CPA6: variants seen among roughly 807,000 people sequenced by gnomAD.
CPA6 encodes the protein carboxypeptidase B.
Under a neutral mutation model 63.3 loss-of-function variants are expected in CPA6, and 58 were observed. That is an observed-to-expected ratio of 0.92 (90% confidence interval 0.74 to 1.14). CPA6 has a LOEUF of 1.14. Ranked by LOEUF, CPA6 falls within the 50% of genes most tolerant of loss-of-function variation. The pLI is 0.00. For synonymous variants in CPA6, 185 were observed against 179.0 expected, an observed-to-expected ratio of 1.03 and a Z score of -0.27; for missense variants, 565 against 526.6, an observed-to-expected ratio of 1.07 and a Z score of -0.71.
chr8:67,587,566 G>A (rs1322718773), intron 2 of CPA6, among the ~76,000 whole-genome samples: 4 of 152,098 alleles, frequency 2.6e-5, no homozygotes, highest in Admixed American at 6.5e-5. Flanking sequence ...GTAATGTCAC[G>A]TCATCATTGG....
intron 2 of CPA6, among the ~76,000 whole-genome samples, chr8:67,555,839 G>A (rs1813047811): frequency 6.6e-6 from 1 of 152,082 alleles, no homozygotes; most frequent in African/African-American, 2.4e-5. Context: ...ACACATATTT[G>A]GTGTCAGGAA....
intron 1 of CPA6, among the ~76,000 whole-genome samples, chr8:67,699,286 T>G (rs1407564051): frequency 6.6e-6 from 1 of 151,934 alleles, no homozygotes; most frequent in South Asian, 2.1e-4. Flanking sequence ...TGTGGTGGCA[T>G]GTACCTATAG....
intron 8 of CPA6, among the ~76,000 whole-genome samples, chr8:67,436,164 C>T (rs1810147705): frequency 6.6e-6 from 1 of 152,190 alleles, no homozygotes; most frequent in African/African-American, 2.4e-5. Context: ...GGGCAATTCT[C>T]ACCTTCAAAG....
intron 1 of CPA6, among the ~76,000 whole-genome samples, chr8:67,644,039 T>A (rs1815655370): frequency 6.6e-6 from 1 of 151,786 alleles, no homozygotes; most frequent in South Asian, 2.1e-4. Flanking sequence ...ACTCTTCATA[T>A]CACAATGCAG....
intron 1 of CPA6, among the ~76,000 whole-genome samples, chr8:67,701,002 C>T (rs1404356117): frequency 1.3e-5 from 2 of 152,002 alleles, no homozygotes; most frequent in Non-Finnish European, 2.9e-5. Flanking sequence ...TAGACATAAT[C>T]ATATACATAA....
At position 67,565,166 on chromosome 8, in the gene CPA6, CTTTCTTTT is replaced by C. The variant is rs1276300442; in HGVS notation, c.193-47127_193-47120del. ...ACTATGCCACAGCGTTTTTCTTTTT[CTTTCTTTT>C]TTTTTTTTGTTGTTGTTTTTTAGGA... On this transcript the variant is annotated intron_variant, in intron 2 of 10. Coordinates refer to ENST00000297770, the MANE Select transcript of CPA6 (RefSeq NM_020361.5). Among the ~76,000 whole-genome samples, 628 of 115,820 alleles carry C rather than the reference CTTTCTTTT, an allele frequency of 5.4e-3. 4 individuals are homozygous for C. Among genetic ancestry groups the C allele is most frequent in the African/African-American group, 0.015 (584 of 38,724 alleles). 76.0% of individuals were successfully genotyped at this position (115,820 alleles called of 152,430 possible). A position where few individuals can be genotyped will look rare whatever the true frequency, so the allele number is the denominator to read the frequency against.
intron 1 of CPA6, among the ~76,000 whole-genome samples, chr8:67,649,038 G>C (rs1015619081): frequency 1.3e-5 from 2 of 151,938 alleles, no homozygotes; most frequent in Non-Finnish European, 2.9e-5. Context: ...CTTTGGAGGT[G>C]ATTGTTTTTT....
intron 3 of CPA6, among the ~76,000 whole-genome samples, chr8:67,516,358 T>G (rs969001561): frequency 1.7e-4 from 26 of 152,242 alleles, no homozygotes; most frequent in African/African-American, 5.8e-4. Context: ...TCCTTCCTAC[T>G]GTTCAGACAC....
intron 2 of CPA6, among the ~76,000 whole-genome samples, chr8:67,604,106 C>A (rs1814565423): frequency 1.3e-5 from 2 of 152,178 alleles, no homozygotes; most frequent in South Asian, 4.1e-4. Flanking sequence ...AGAGCTACAA[C>A]TTATTAACCT....
At chr8:67,638,782 A>G (rs1337647563) in intron 1 of CPA6, among the ~76,000 whole-genome samples, 1 of 151,460 alleles carries the variant, frequency 6.6e-6, no homozygotes, top group Non-Finnish European at 1.5e-5. Flanking sequence ...TTTCAGTTCA[A>G]ATCTCCCTCT....
At chr8:67,516,605 T>C (rs1482402594) in intron 3 of CPA6, among the ~76,000 whole-genome samples, 1 of 152,238 alleles carries the variant, frequency 6.6e-6, no homozygotes, top group Admixed American at 6.5e-5. Context: ...TTCACATCTG[T>C]GTCTTCTAAT....
intron 1 of CPA6, among the ~76,000 whole-genome samples, chr8:67,669,074 C>T (rs1394953486): frequency 6.6e-6 from 1 of 152,198 alleles, no homozygotes; most frequent in East Asian, 1.9e-4. Context: ...AAAGGATGGA[C>T]TGGGACAGAT....
intron 8 of CPA6, among the ~76,000 whole-genome samples, chr8:67,474,731 T>G (rs1013475539): frequency 6.6e-6 from 1 of 152,108 alleles, no homozygotes; most frequent in African/African-American, 2.4e-5. Flanking sequence ...ATCCCAGCAC[T>G]TTGGGAGGCT....
chr8:67,713,452 T>C (rs959979935), intron 1 of CPA6, among the ~76,000 whole-genome samples: 3 of 152,088 alleles, frequency 2.0e-5, no homozygotes, highest in Non-Finnish European at 4.4e-5. Context: ...CATTTCTTTG[T>C]TTCGGGTTTT....
chr8:67,681,896 A>G (rs186186872), intron 1 of CPA6, among the ~76,000 whole-genome samples: 130 of 151,860 alleles, frequency 8.6e-4, no homozygotes, highest in South Asian at 2.3e-3. Flanking sequence ...TCATTTCCAT[A>G]TGAATTTTAA....
chr8:67,595,537 C>T (rs1814304052), intron 2 of CPA6, among the ~76,000 whole-genome samples: 1 of 152,204 alleles, frequency 6.6e-6, no homozygotes, highest in African/African-American at 2.4e-5. Flanking sequence ...GGGCTCCACC[C>T]AGTTCGAGCT....
At chr8:67,632,970 T>C (rs917801298) in intron 1 of CPA6, among the ~76,000 whole-genome samples, 3 of 152,250 alleles carry the variant, frequency 2.0e-5, no homozygotes, top group African/African-American at 7.2e-5. Context: ...TACTGTGTCC[T>C]TATTTTTCTG....
At chr8:67,464,327 A>C (rs1810879149) in intron 8 of CPA6, among the ~76,000 whole-genome samples, 1 of 152,188 alleles carries the variant, frequency 6.6e-6, no homozygotes, top group Admixed American at 6.5e-5. Flanking sequence ...TGAGAAATGT[A>C]GAAATGTCTG....
chr8:67,520,161 T>A (rs192195792), intron 2 of CPA6, among the ~76,000 whole-genome samples: 189 of 116,028 alleles, frequency 1.6e-3, no homozygotes, highest in Non-Finnish European at 2.4e-3. Flanking sequence ...TATGAGGAAA[T>A]TGTGCTGTAT....
Sources: gnomAD v4.1 joint callset for allele counts (sites outside exome capture counted in the v4.1 genomes callset) on GRCh38, gnomAD v4.1.1 for gene constraint, MANE v1.5 for transcripts, NCBI Gene and HGNC (gene_info 2026-07-23, HGNC 2026-07-21) for gene names.